The following WWTR1 variants were observed in gnomAD, a reference collection of about 807,000 sequenced individuals.
The protein encoded by WWTR1 is WW domain containing transcription regulator 1.
A neutral mutation model predicts 40.1 loss-of-function variants in WWTR1; 13 were observed. The observed-to-expected ratio is 0.32, with a 90% CI of 0.21 to 0.52. The LOEUF (loss-of-function observed/expected upper bound fraction) is 0.52. Ranked by LOEUF, WWTR1 falls within the 20% of genes least tolerant of loss-of-function variation. The probability of loss-of-function intolerance (pLI) is 0.97; values close to 1 mark genes in which losing one functional copy is unlikely to be tolerated. For missense variants in WWTR1, 436 were observed against 523.1 expected (o/e 0.83, Z 1.63); for synonymous variants, 230 against 210.1 (o/e 1.09, Z -0.82).
At chr3:149,567,912 A>T (rs1311925817) in intron 3 of WWTR1, among the ~76,000 whole-genome samples, 1 of 151,914 alleles carries the variant, frequency 6.6e-6, no homozygotes, top group Admixed American at 6.6e-5. Flanking sequence ...CTTCGCCACC[A>T]CTCTAACCAA....
chr3:149,565,722 A>G (rs1737287528), intron 3 of WWTR1, among the ~76,000 whole-genome samples: 1 of 151,838 alleles, frequency 6.6e-6, no homozygotes, highest in South Asian at 2.1e-4. Flanking sequence ...GACCAGCCTG[A>G]CCAACACAGA....
At chr3:149,585,030 C>T (rs1366998092) in intron 2 of WWTR1, among the ~76,000 whole-genome samples, 1 of 151,874 alleles carries the variant, frequency 6.6e-6, no homozygotes, top group African/African-American at 2.4e-5. Flanking sequence ...AATCAATAAA[C>T]ACCTTATAGT....
chr3:149,562,570 G>C (rs1737130372), intron 3 of WWTR1, among the ~76,000 whole-genome samples: 1 of 142,640 alleles, frequency 7.0e-6, no homozygotes, highest in Non-Finnish European at 1.6e-5. Context: ...AAAATGTTTA[G>C]AACCTTTTTT....
rs1576572610 is a variant in WWTR1 at position 149,575,386 on chromosome 3, T to A, written c.432-2386A>T. On this transcript the variant is annotated intron_variant, in intron 2 of 6. Transcript: ENST00000360632. ...ACCTAAGAAATGCTTTGATTATTCC[T>A]TCAGAACTCATTCTATTAAAGCAGC... Among the ~76,000 whole-genome samples, 3 of 152,306 alleles carry A rather than the reference T, an allele frequency of 2.0e-5. No homozygotes were observed. In the South Asian group the frequency reaches 6.2e-4, roughly 32 times the overall value.
chr3:149,709,882 C>T (rs895258533), intron 5 of WWTR1, among the ~76,000 whole-genome samples: 5 of 151,858 alleles, frequency 3.3e-5, no homozygotes, highest in African/African-American at 1.2e-4. Context: ...CCAGCCTGGG[C>T]AACAAGAGCG....
At chr3:149,638,748 CCA>C (rs1711984672) in intron 2 of WWTR1, among the ~76,000 whole-genome samples, 1 of 152,168 alleles carries the variant, frequency 6.6e-6, no homozygotes, top group Non-Finnish European at 1.5e-5. Flanking sequence ...ACGCTAGACC[CCA>C]GAGTATTAAA....
intron 2 of WWTR1, among the ~76,000 whole-genome samples, chr3:149,645,894 T>A (rs893105087): frequency 6.6e-6 from 1 of 152,100 alleles, no homozygotes; most frequent in Non-Finnish European, 1.5e-5. Context: ...AGCAGACTAG[T>A]CACAAAAAAG....
intron 3 of WWTR1, among the ~76,000 whole-genome samples, chr3:149,568,051 T>G (rs539336693): frequency 1.3e-5 from 2 of 152,274 alleles, no homozygotes; most frequent in East Asian, 3.9e-4. Context: ...AAAATTTTAG[T>G]AAGTATTAAT....
At position 149,562,600 on chromosome 3, in the gene WWTR1, GACACACACACACAC is replaced by G. The variant is rs60366789; in HGVS notation, c.568+10250_568+10263del. Among the ~76,000 whole-genome samples the G allele has an allele frequency of 4.4e-3, 594 of 135,882 alleles. 2 individuals carry two copies. The highest frequency in any genetic ancestry group is 0.014 in the African/African-American group (498 of 35,648). The allele number at this position is 135,882 out of a possible 152,430, so 89.1% of individuals were successfully genotyped here. A position where few individuals can be genotyped will look rare whatever the true frequency, so the allele number is the denominator to read the frequency against. On this transcript the variant is annotated intron_variant, in intron 3 of 6. Coordinates refer to ENST00000360632, the MANE Select transcript of WWTR1 (RefSeq NM_015472.6). ...TTTTTTTTTTCTGCCTTAAAATACA[GACACACACACACAC>G]ACACACACACACACACACACACACA...
At chr3:149,536,755 TA>T (rs5853412) in intron 4 of WWTR1, among the ~76,000 whole-genome samples, 69,235 of 141,984 alleles carry the variant, frequency 0.49, 16,553 homozygotes, top group East Asian at 0.7. Context: ...ACCCCCAAAT[TA>T]AAAAAAAAAA....
At chr3:149,645,083 TA>T (rs545310244) in intron 2 of WWTR1, among the ~76,000 whole-genome samples, 11,051 of 145,746 alleles carry the variant, frequency 0.076, 947 homozygotes, top group African/African-American at 0.21. Flanking sequence ...TTATTTTATT[TA>T]TTTTTTTTTT....
chr3:149,550,766 C>T (rs1736583851), intron 3 of WWTR1, among the ~76,000 whole-genome samples: 1 of 110,782 alleles, frequency 9.0e-6, no homozygotes, highest in African/African-American at 3.8e-5. Flanking sequence ...TAAAAGACTG[C>T]TTGAATATCT....
chr3:149,597,628 T>A (rs1024666722), intron 2 of WWTR1, among the ~76,000 whole-genome samples: 1 of 150,184 alleles, frequency 6.7e-6, no homozygotes, highest in African/African-American at 2.5e-5. Context: ...CAAAAAAAAA[T>A]AAAATAAAGT....
rs1413597468 is a variant in WWTR1 at position 149,542,433 on chromosome 3, G to A, written c.673C>T (p.Leu225=). ...TGCTGCTGCTGCTGCTGAGTGGTCAGCGCATTGGGCATACTCATGAGCCCT... is the reference window on the plus strand; with the variant it reads ...TGCTGCTGCTGCTGCTGAGTGGTCAACGCATTGGGCATACTCATGAGCCCT... The part of the protein sequence containing the change: ...PAGLMSMPNA[L]TTQQQQQQKL... Residue 225 remains leucine (L), a synonymous_variant, in exon 4 of 7, where the codon CTG becomes TTG. Transcript: ENST00000360632. 7 of 1,614,032 alleles carry A rather than the reference G, an allele frequency of 4.3e-6. No individual in the cohort carries two copies. In the South Asian group the frequency reaches 5.5e-5, roughly 13 times the overall value.
At chr3:149,556,632 A>G (rs114872455) in intron 3 of WWTR1, among the ~76,000 whole-genome samples, 252 of 152,224 alleles carry the variant, frequency 1.7e-3, no homozygotes, top group Non-Finnish European at 3.0e-3. Flanking sequence ...CTTGGGATCA[A>G]TGCCTCTCGG....
At chr3:149,543,114 A>G (rs1410337362) in intron 3 of WWTR1, among the ~76,000 whole-genome samples, 1 of 152,246 alleles carries the variant, frequency 6.6e-6, no homozygotes, top group African/African-American at 2.4e-5. Context: ...TCAGGAACAA[A>G]TATCTGACTG....
At chr3:149,552,921 T>G (rs1041340574) in intron 3 of WWTR1, among the ~76,000 whole-genome samples, 4 of 152,182 alleles carry the variant, frequency 2.6e-5, no homozygotes, top group African/African-American at 9.7e-5. Flanking sequence ...ATCATCTTGG[T>G]CTTGCTTTCA....
At chr3:149,575,016 C>T (rs1737818651) in intron 2 of WWTR1, among the ~76,000 whole-genome samples, 1 of 151,960 alleles carries the variant, frequency 6.6e-6, no homozygotes, top group South Asian at 2.1e-4. Flanking sequence ...ATCGCTTGAA[C>T]CCGGGAGGTG....
At chr3:149,550,387 T>C (rs1736559478) in intron 3 of WWTR1, among the ~76,000 whole-genome samples, 1 of 152,138 alleles carries the variant, frequency 6.6e-6, no homozygotes, top group Admixed American at 6.5e-5. Flanking sequence ...TTTAGAGTAA[T>C]AGGGGGTACC....
Sources: allele counts gnomAD v4.1 joint callset (sites outside exome capture counted in the v4.1 genomes callset), GRCh38; gene constraint gnomAD v4.1.1; transcripts MANE v1.5; gene names NCBI Gene and HGNC (gene_info 2026-07-23, HGNC 2026-07-21).